PPP6C: variants seen among roughly 807,000 people sequenced by gnomAD.
The protein encoded by PPP6C is protein phosphatase 6 catalytic subunit.
In PPP6C, 11 loss-of-function variants were observed where a neutral mutation model predicts 39.8. The observed-to-expected ratio is 0.28, with a 90% confidence interval of 0.17 to 0.46. The LOEUF (loss-of-function observed/expected upper bound fraction) is 0.46. Ranked by LOEUF, PPP6C falls within the 20% of genes least tolerant of loss-of-function variation. The pLI is 1.00. For synonymous variants in PPP6C, 129 were observed against 130.3 expected (o/e 0.99, Z 0.07); for missense variants, 211 against 373.9 (o/e 0.56, Z 3.59).
intron 2 of PPP6C, among the ~76,000 whole-genome samples, chr9:125,163,848 CTTTT>C (rs1412720063): frequency 2.2e-5 from 3 of 135,924 alleles, no homozygotes; most frequent in Admixed American, 7.4e-5. Flanking sequence ...TTGGGCAATT[CTTTT>C]TTTTTTTTTT....
intron 4 of PPP6C, 43 bp from the exon 5 acceptor site, chr9:125,154,028 T>C (rs1554720951): frequency 7.1e-7 from 1 of 1,416,184 alleles, no homozygotes; most frequent in Admixed American, 1.8e-5. Flanking sequence ...AATCTGCTAA[T>C]AAAAATAAAC....
At chr9:125,185,255 T>TG (rs1473268076) in intron 1 of PPP6C, among the ~76,000 whole-genome samples, 1 of 151,886 alleles carries the variant, frequency 6.6e-6, no homozygotes, top group Non-Finnish European at 1.5e-5. Context: ...TCATTTTTTT[T>TG]TTTTTTTGAG....
At position 125,149,091 on chromosome 9, in the gene PPP6C, T is replaced by C. The variant is rs1034520262; in HGVS notation, c.*582A>G. 8 of 152,164 alleles carry C rather than the reference T, an allele frequency of 5.3e-5. No individual in the cohort carries two copies. Among genetic ancestry groups the C allele is most frequent in the Non-Finnish European group, 1.2e-4 (8 of 68,032 alleles). 9.4% of individuals were successfully genotyped at this position (152,164 alleles called of 1,614,324 possible). A position where few individuals can be genotyped will look rare whatever the true frequency, so the allele number is the denominator to read the frequency against. ...AGTACAAAGTCATAAGCTGTAGCAG[T>C]TTTTAACTAAAATTTAAAAACACAA... On this transcript the variant is annotated 3_prime_UTR_variant, in exon 7 of 7. Coordinates refer to ENST00000373547, the MANE Select transcript of PPP6C (RefSeq NM_002721.5).
At chr9:125,151,528 A>T in intron 6 of PPP6C, 1 of 803,832 alleles carries the variant, frequency 1.2e-6, no homozygotes, top group Non-Finnish European at 2.2e-6. Context: ...GCCTTGCAGA[A>T]GCCATCAGGA....
intron 3 of PPP6C, among the ~76,000 whole-genome samples, chr9:125,158,918 C>A (rs1588277064): frequency 1.3e-5 from 2 of 151,830 alleles, no homozygotes; most frequent in Non-Finnish European, 2.9e-5. Flanking sequence ...CCCACGTTGG[C>A]CTCCCAAAGT....
chr9:125,151,291 G>A (rs1049513447), intron 6 of PPP6C: 87 of 1,490,802 alleles, frequency 5.8e-5, no homozygotes, highest in Middle Eastern at 3.4e-4. Context: ...CCATCCTTGC[G>A]GATGACATGG....
At chr9:125,152,964 A>T (rs988507363) in intron 6 of PPP6C, among the ~76,000 whole-genome samples, 1 of 151,568 alleles carries the variant, frequency 6.6e-6, no homozygotes, top group African/African-American at 2.4e-5. Flanking sequence ...TTGTTACTTA[A>T]CTACAGTACT....
At chr9:125,151,614 T>C in intron 6 of PPP6C, 1 of 713,342 alleles carries the variant, frequency 1.4e-6, no homozygotes, top group Admixed American at 1.8e-5. Flanking sequence ...TGAGGCTTTT[T>C]AAGAATAAAA....
chr9:125,153,858 T>C, intron 5 of PPP6C, 48 bp downstream of exon 5: 2 of 1,534,372 alleles, frequency 1.3e-6, no homozygotes, highest in South Asian at 1.1e-5. Flanking sequence ...AAATATGCAA[T>C]GTGTTATTGG....
intron 1 of PPP6C, among the ~76,000 whole-genome samples, chr9:125,178,103 G>T (rs1321186023): frequency 6.6e-6 from 1 of 152,138 alleles, no homozygotes; most frequent in Non-Finnish European, 1.5e-5. Flanking sequence ...GAATAAAGTG[G>T]CTATAAAAAT....
rs1305644190 is a variant in PPP6C at position 125,149,132 on chromosome 9, T to A, written c.*541A>T. The stretch of plus-strand genomic sequence containing the variant: ...AAAAACACAACAAGGAGGGCAGCCC[T>A]TTAGACCAATTTATTTTATATCCAT... On this transcript the variant is annotated 3_prime_UTR_variant, in exon 7 of 7. Coordinates refer to ENST00000373547, the MANE Select transcript of PPP6C (RefSeq NM_002721.5). 1 of 152,276 alleles carries A rather than the reference T, an allele frequency of 6.6e-6. No individual in the cohort carries two copies. Among genetic ancestry groups the A allele is most frequent in the Non-Finnish European group, 1.5e-5 (1 of 68,094 alleles). 9.4% of individuals were successfully genotyped at this position (152,276 alleles called of 1,614,324 possible).
At chr9:125,177,231 G>T (rs775719773) in intron 1 of PPP6C, among the ~76,000 whole-genome samples, 1 of 152,152 alleles carries the variant, frequency 6.6e-6, no homozygotes, top group East Asian at 1.9e-4. Flanking sequence ...AAAATTAGCC[G>T]GGCGTGGTGG....
intron 1 of PPP6C, among the ~76,000 whole-genome samples, chr9:125,186,122 T>C (rs1171449918): frequency 6.6e-6 from 1 of 152,068 alleles, no homozygotes; most frequent in African/African-American, 2.4e-5. Context: ...CACAAGTAAA[T>C]TTCTGTCTTC....
At chr9:125,170,982 T>C in intron 2 of PPP6C, 103 bp downstream of exon 2, 3 of 708,836 alleles carry the variant, frequency 4.2e-6, no homozygotes, top group Non-Finnish European at 6.5e-6. Context: ...TACCACCAGT[T>C]GTGTTTGTTG....
chr9:125,171,325 G>C (rs1452657111), intron 1 of PPP6C, 145 bp from the exon 2 acceptor site: 3 of 596,216 alleles, frequency 5.0e-6, no homozygotes, highest in Non-Finnish European at 8.3e-6. Context: ...TAATTCGGGG[G>C]TTGGATTTCT....
intron 1 of PPP6C, among the ~76,000 whole-genome samples, chr9:125,177,247 G>A (rs1487772852): frequency 3.3e-5 from 5 of 152,096 alleles, no homozygotes; most frequent in South Asian, 2.1e-4. Flanking sequence ...GGTGGCGGGC[G>A]CCTGTAGTCT....
intron 1 of PPP6C, among the ~76,000 whole-genome samples, chr9:125,179,250 C>T (rs1829373417): frequency 6.9e-6 from 1 of 145,972 alleles, no homozygotes; most frequent in African/African-American, 2.5e-5. Context: ...TTTTGGATAA[C>T]AATACTTTAT....
intron 4 of PPP6C, 56 bp downstream of exon 4, chr9:125,158,185 T>C: frequency 1.3e-6 from 2 of 1,516,736 alleles, no homozygotes; most frequent in Non-Finnish European, 1.8e-6. Flanking sequence ...TGTAGCTTTG[T>C]TTTCCAAAGA....
Position 125,151,277 on chromosome 9 carries a change from G to A in PPP6C, c.670-1356C>T, listed in dbSNP as rs1384378202. 4.0e-6 allele frequency: 6 copies of A among 1,497,700 alleles called. No individual in the cohort carries two copies. In the South Asian group the frequency reaches 6.8e-5, roughly 17 times the overall value. 92.8% of individuals were successfully genotyped at this position (1,497,700 alleles called of 1,614,324 possible). ...GCTTGTGGGAGATGTGAAGGATCTG[G>A]TGGCCATCCTTGCGGATGACATGGT... On this transcript the variant is annotated intron_variant, in intron 6 of 6. Transcript: ENST00000373547.
Sources: gnomAD v4.1 joint callset for allele counts (sites outside exome capture counted in the v4.1 genomes callset) on GRCh38, gnomAD v4.1.1 for gene constraint, MANE v1.5 for transcripts, NCBI Gene and HGNC (gene_info 2026-07-23, HGNC 2026-07-21) for gene names.